The following ANO6 variants were observed in gnomAD, a reference collection of about 807,000 sequenced individuals.
ANO6 encodes anoctamin 6, also known as anoctamin-6.
In ANO6, 106 loss-of-function variants were observed where a neutral mutation model predicts 117.5. The observed-to-expected ratio is 0.90, with a 90% CI of 0.77 to 1.06. ANO6 has a LOEUF of 1.06. ANO6 is among the 50% of genes least tolerant of loss of function. The pLI, the probability that ANO6 is intolerant of heterozygous loss-of-function variation, is 0.00. For missense variants in ANO6, 955 were observed against 1,121.1 expected (o/e 0.85, Z 2.12); for synonymous variants, 367 against 385.1 (o/e 0.95, Z 0.55).
chr12:45,433,479 A>ATGAC, downstream of ANO6, among the ~76,000 whole-genome samples: 1 of 152,308 alleles, frequency 6.6e-6, no homozygotes, highest in African/African-American at 2.4e-5. Context: ...GTTGGTCATG[A>ATGAC]TGACAGATAA....
At chr12:45,408,837 T>A (rs1943012355) in intron 15 of ANO6, among the ~76,000 whole-genome samples, 1 of 152,120 alleles carries the variant, frequency 6.6e-6, no homozygotes, top group South Asian at 2.1e-4. Flanking sequence ...CTGGGACTTC[T>A]TCCCCCAGGT....
intron 10 of ANO6, among the ~76,000 whole-genome samples, chr12:45,385,369 G>T (rs1390003537): frequency 6.6e-6 from 1 of 152,140 alleles, no homozygotes; most frequent in Non-Finnish European, 1.5e-5. Context: ...AGCTTCAGGG[G>T]TGGGGGCATA....
intron 1 of ANO6, chr12:45,256,783 T>G (rs1435803198): frequency 6.6e-6 from 1 of 152,254 alleles, no homozygotes; most frequent in African/African-American, 2.4e-5. Context: ...TTATAAAATG[T>G]ATAAAATTAT....
At chr12:45,380,344 GT>G (rs1185286485) in intron 10 of ANO6, among the ~76,000 whole-genome samples, 2 of 152,150 alleles carry the variant, frequency 1.3e-5, no homozygotes, top group Non-Finnish European at 2.9e-5. Context: ...TGACTGCAAT[GT>G]TTAATTTTCA....
chr12:45,373,237 C>G (rs1941898630), intron 9 of ANO6, among the ~76,000 whole-genome samples: 1 of 152,182 alleles, frequency 6.6e-6, no homozygotes, highest in Non-Finnish European at 1.5e-5. Context: ...TACAAAGAGA[C>G]TTAGACACCC....
intron 12 of ANO6, among the ~76,000 whole-genome samples, chr12:45,395,395 C>G (rs974395398): frequency 5.9e-5 from 9 of 152,322 alleles, no homozygotes; most frequent in African/African-American, 1.7e-4. Flanking sequence ...GATTCACAGC[C>G]AAATTCTACC....
intron 1 of ANO6, among the ~76,000 whole-genome samples, chr12:45,293,846 G>T (rs1293590596): frequency 7.0e-6 from 1 of 143,442 alleles, no homozygotes; most frequent in African/African-American, 2.6e-5. Flanking sequence ...GCCTCCCAAA[G>T]TGCTGGGATT....
At chr12:45,246,759 C>CTTTTT (rs34322669) in intron 1 of ANO6, among the ~76,000 whole-genome samples, 7 of 113,924 alleles carry the variant, frequency 6.1e-5, no homozygotes, top group Admixed American at 8.9e-5. Context: ...TTCCACCCTA[C>CTTTTT]TTTTTTTTTT....
At chr12:45,252,482 G>GT (rs1315386313) in intron 1 of ANO6, among the ~76,000 whole-genome samples, 3 of 151,932 alleles carry the variant, frequency 2.0e-5, no homozygotes, top group East Asian at 3.9e-4. Flanking sequence ...AGTCTAGGTG[G>GT]GTTTTTTTGT....
downstream of ANO6, among the ~76,000 whole-genome samples, chr12:45,436,222 G>T (rs1050137416): frequency 1.3e-5 from 2 of 152,144 alleles, no homozygotes; most frequent in African/African-American, 2.4e-5. Flanking sequence ...CTTCTGCTTA[G>T]CTGCCTACAG....
chr12:45,269,450 G>C (rs934067150), intron 1 of ANO6, among the ~76,000 whole-genome samples: 1 of 152,204 alleles, frequency 6.6e-6, no homozygotes, highest in Non-Finnish European at 1.5e-5. Flanking sequence ...CTGAGGCTTT[G>C]GTTTTGTGAT....
At chr12:45,259,347 T>A (rs1003004720) in intron 1 of ANO6, among the ~76,000 whole-genome samples, 2 of 152,238 alleles carry the variant, frequency 1.3e-5, no homozygotes, top group African/African-American at 2.4e-5. Context: ...TATGTGCTTT[T>A]GAAAATTTTT....
intron 10 of ANO6, among the ~76,000 whole-genome samples, chr12:45,384,005 A>G (rs1942233994): frequency 6.6e-6 from 1 of 152,230 alleles, no homozygotes; most frequent in Non-Finnish European, 1.5e-5. Flanking sequence ...ATCTACCTTG[A>G]AAGTCTGTTG....
At chr12:45,313,736 T>C (rs1475049029) in intron 2 of ANO6, among the ~76,000 whole-genome samples, 1 of 152,078 alleles carries the variant, frequency 6.6e-6, no homozygotes, top group Non-Finnish European at 1.5e-5. Flanking sequence ...GAGTTAATCA[T>C]ACCCAGCAAT....
Position 45,403,510 on chromosome 12 carries a change from G to A in ANO6, c.1854G>A (p.Trp618Ter). The change falls in exon 15 of 20, where the codon TGG (tryptophan) becomes TGA (stop). Residue 618 changes from tryptophan to a stop codon, truncating the protein, a stop_gained. Transcript: ENST00000320560. LOFTEE classifies it high-confidence loss of function. ...TAATCATGGGAGGAAAAGCAATCTG[G>A]AATAACATACAAGAAGTATTATTGC... is the stretch of plus-strand genomic sequence containing the variant. The part of the protein sequence containing the change: ...LTIIMGGKAI[W>*]NNIQEVLLPW... The A allele has an allele frequency of 1.9e-6, 3 of 1,613,418 alleles. No individual in the cohort carries two copies. Among genetic ancestry groups the A allele is most frequent in the Non-Finnish European group, 2.5e-6 (3 of 1,179,470 alleles).
intron 1 of ANO6, among the ~76,000 whole-genome samples, chr12:45,229,921 A>G (rs753270147): frequency 2.8e-5 from 4 of 140,694 alleles, no homozygotes; most frequent in Non-Finnish European, 4.6e-5. Flanking sequence ...TTCATACGAA[A>G]CGGTTGTATC....
intron 1 of ANO6, among the ~76,000 whole-genome samples, chr12:45,265,574 T>C (rs1361318593): frequency 1.3e-5 from 2 of 152,226 alleles, no homozygotes; most frequent in Admixed American, 6.5e-5. Context: ...ACAGAGGTAG[T>C]ATGATGCCTA....
chr12:45,320,424 C>A (rs550797117), intron 2 of ANO6, among the ~76,000 whole-genome samples: 2 of 152,046 alleles, frequency 1.3e-5, no homozygotes, highest in African/African-American at 4.8e-5. Context: ...TGTAGTTGAG[C>A]GGTTTTGAGT....
At chr12:45,223,014 G>T (rs999777234) in intron 1 of ANO6, among the ~76,000 whole-genome samples, 1 of 152,234 alleles carries the variant, frequency 6.6e-6, no homozygotes, top group African/African-American at 2.4e-5. Context: ...AACAGTGGAG[G>T]TACCTGAAGG....
Sources: gnomAD v4.1 joint callset for allele counts (sites outside exome capture counted in the v4.1 genomes callset) on GRCh38, gnomAD v4.1.1 for gene constraint, MANE v1.5 for transcripts, NCBI Gene and HGNC (gene_info 2026-07-23, HGNC 2026-07-21) for gene names.